TMEFF1: variants seen among roughly 807,000 people sequenced by gnomAD.
The protein encoded by TMEFF1 is tomoregulin-1.
A neutral mutation model predicts 47.5 loss-of-function variants in TMEFF1; 20 were observed. The observed-to-expected ratio is 0.42, with a 90% CI of 0.30 to 0.61. TMEFF1 has a LOEUF of 0.61. Ranked by LOEUF, TMEFF1 falls within the 20% of genes least tolerant of loss-of-function variation. TMEFF1 has a pLI of 0.19. For synonymous variants in TMEFF1, 162 were observed against 166.3 expected, an observed-to-expected ratio of 0.97 and a Z score of 0.20; for missense variants, 411 against 471.1, an observed-to-expected ratio of 0.87 and a Z score of 1.18.
chr9:100,485,064 T>A (rs1390577356), intron 1 of TMEFF1, among the ~76,000 whole-genome samples: 1 of 152,238 alleles, frequency 6.6e-6, no homozygotes, highest in Non-Finnish European at 1.5e-5. Context: ...ATAATTGGCT[T>A]CTTTCTCTTA....
intron 1 of TMEFF1, among the ~76,000 whole-genome samples, chr9:100,483,677 T>G (rs1837385834): frequency 6.6e-6 from 1 of 152,194 alleles, no homozygotes; most frequent in Non-Finnish European, 1.5e-5. Flanking sequence ...ATTTCAAACT[T>G]AGAAAAATGT....
chr9:100,544,711 A>T (rs980358429), intron 5 of TMEFF1, among the ~76,000 whole-genome samples: 1 of 152,216 alleles, frequency 6.6e-6, no homozygotes, highest in African/African-American at 2.4e-5. Context: ...ACAGTCCAAC[A>T]TCTCATCTGA....
rs1191340089 is a variant in TMEFF1 at position 100,473,691 on chromosome 9, C to T, written c.147C>T (p.Gly49=). The change falls in exon 1 of 10, where the codon GGC becomes GGT. Residue 49 remains glycine (G), a synonymous_variant. Coordinates refer to ENST00000374879, the MANE Select transcript of TMEFF1 (RefSeq NM_003692.5). This position sits in a 1 kb window ranked among gnomAD's most constrained non-coding sequence, Gnocchi z 5.4. ...ASNQPPGGGG[G]SGGDCPGGKG... Reference sequence around the variant, plus strand: ...ACCAGCCCCCGGGTGGTGGCGGCGGCAGCGGCGGGGACTGTCCCGGCGGCA... The same window carrying T: ...ACCAGCCCCCGGGTGGTGGCGGCGGTAGCGGCGGGGACTGTCCCGGCGGCA... 3 of 1,536,364 alleles carry T rather than the reference C, an allele frequency of 2.0e-6. No individual in the cohort carries two copies. The highest frequency in any genetic ancestry group is 2.0e-5 in the Admixed American group (1 of 49,574).
chr9:100,476,751 C>T (rs1162099045), intron 1 of TMEFF1, among the ~76,000 whole-genome samples: 2 of 142,928 alleles, frequency 1.4e-5, no homozygotes, highest in Non-Finnish European at 3.0e-5. Flanking sequence ...GGCTGGAGTG[C>T]AGTGGGGTGA....
intron 5 of TMEFF1, among the ~76,000 whole-genome samples, chr9:100,538,062 A>T (rs1353059379): frequency 1.4e-5 from 2 of 147,994 alleles, no homozygotes; most frequent in African/African-American, 4.9e-5. Context: ...AAGAAACAGA[A>T]TTTTTTTTTT....
intron 2 of TMEFF1, among the ~76,000 whole-genome samples, chr9:100,499,946 G>A (rs10819788): frequency 0.19 from 28,862 of 152,062 alleles, 2,962 homozygotes; most frequent in South Asian, 0.31. Flanking sequence ...ATTCAATTAC[G>A]TAGAATGATA....
intron 8 of TMEFF1, among the ~76,000 whole-genome samples, chr9:100,568,861 A>T (rs1376124735): frequency 6.6e-6 from 1 of 152,104 alleles, no homozygotes; most frequent in Non-Finnish European, 1.5e-5. Context: ...AACTTAGCGT[A>T]ATATTTTCCA....
rs138537435 is a variant in TMEFF1 at position 100,561,441 on chromosome 9, C to G, written c.820C>G (p.Pro274Ala). Residue 274 changes from proline (P) to alanine (A), a missense_variant, in exon 8 of 10, where the codon CCT (proline) becomes GCT (alanine). Pro to Ala is a conservative substitution (Grantham distance 27, BLOSUM62 -1). Coordinates refer to ENST00000374879, the MANE Select transcript of TMEFF1 (RefSeq NM_003692.5). ...AGATGTTTATATTGGAAACCACATG[C>G]CTTGCCCTGAAAACCTCAATGGTTA... ...REDVYIGNHM[P>A]CPENLNGYCI... The G allele has an allele frequency of 6.2e-7, 1 of 1,613,802 alleles. No homozygotes were observed. The highest frequency in any genetic ancestry group is 1.7e-5 in the Admixed American group (1 of 59,998).
At chr9:100,516,835 T>C in intron 5 of TMEFF1, 64 bp downstream of exon 5, 1 of 1,551,994 alleles carries the variant, frequency 6.4e-7, no homozygotes, top group East Asian at 2.3e-5. Flanking sequence ...GATTATATTG[T>C]GGAAAGGTAT....
In TMEFF1 at chr9:100,473,966, G is replaced by A. The variant is rs1837170447; in HGVS notation, c.196+226G>A. Among the ~76,000 whole-genome samples the A allele has an allele frequency of 1.3e-5, 2 of 151,926 alleles. No homozygotes were observed. The highest frequency in any genetic ancestry group is 2.9e-5 in the Non-Finnish European group (2 of 67,966). On this transcript the variant is annotated intron_variant, in intron 1 of 9. Transcript: ENST00000374879. The surrounding 1 kb of genome is among the most constrained non-coding windows in gnomAD (Gnocchi z 5.4). ...GTGCGTCCGAGTGTGTCGAGTGGCT[G>A]GGCGAGGGCGGCCCGGCGTGTGGGG...
intron 7 of TMEFF1, among the ~76,000 whole-genome samples, chr9:100,553,216 G>A (rs1587852615): frequency 6.6e-6 from 1 of 152,152 alleles, no homozygotes; most frequent in Non-Finnish European, 1.5e-5. Context: ...GATGAAAGAC[G>A]AAACCCAAAT....
intron 1 of TMEFF1, among the ~76,000 whole-genome samples, chr9:100,476,531 A>G (rs998814445): frequency 6.6e-6 from 1 of 151,526 alleles, no homozygotes. Flanking sequence ...AGTAGCTGGG[A>G]CTACAGGCGC....
chr9:100,497,320 C>CTGTTTTTTTTTTTTTT (rs1554683242), intron 1 of TMEFF1, among the ~76,000 whole-genome samples: 1 of 59,526 alleles, frequency 1.7e-5, no homozygotes, highest in Non-Finnish European at 3.1e-5. Flanking sequence ...CCACTCATGT[C>CTGTTTTTTTTTTTTTT]TTTTTTTTTT....
chr9:100,496,789 T>C (rs1452390111), intron 1 of TMEFF1, among the ~76,000 whole-genome samples: 2 of 152,214 alleles, frequency 1.3e-5, no homozygotes, highest in East Asian at 3.8e-4. Context: ...ATAAAAACTT[T>C]ACTTATTCTT....
At chr9:100,543,738 C>CAA (rs1838679083) in intron 5 of TMEFF1, among the ~76,000 whole-genome samples, 1 of 151,726 alleles carries the variant, frequency 6.6e-6, no homozygotes, top group African/African-American at 2.4e-5. Flanking sequence ...CACACACACA[C>CAA]ACACACACAA....
At chr9:100,571,614 C>G (rs924959927) in intron 8 of TMEFF1, among the ~76,000 whole-genome samples, 4 of 150,822 alleles carry the variant, frequency 2.7e-5, no homozygotes, top group Non-Finnish European at 4.4e-5. Context: ...GGACTAGTTC[C>G]GTACAAGACA....
chr9:100,514,761 G>A (rs1838032186), intron 4 of TMEFF1, among the ~76,000 whole-genome samples: 1 of 151,752 alleles, frequency 6.6e-6, no homozygotes, highest in African/African-American at 2.4e-5. Flanking sequence ...TTGGGAGGCC[G>A]AGGCGGGCGG....
chr9:100,515,387 A>C (rs989658170), intron 4 of TMEFF1, among the ~76,000 whole-genome samples: 1 of 152,108 alleles, frequency 6.6e-6, no homozygotes, highest in Non-Finnish European at 1.5e-5. Context: ...GTTTAGGGGA[A>C]TATTTCTATT....
chr9:100,544,438 T>C (rs2118499379), intron 5 of TMEFF1, among the ~76,000 whole-genome samples: 1 of 152,296 alleles, frequency 6.6e-6, no homozygotes, highest in South Asian at 2.1e-4. Flanking sequence ...CATCAGATCT[T>C]GTGAGACTCA....
Sources: gnomAD v4.1 joint callset for allele counts (sites outside exome capture counted in the v4.1 genomes callset) on GRCh38, gnomAD v4.1.1 for gene constraint, Gnocchi (gnomAD v3.1) non-coding constraint, MANE v1.5 for transcripts, NCBI Gene and HGNC (gene_info 2026-07-23, HGNC 2026-07-21) for gene names.